The following XYLT1 variants were observed in gnomAD, a reference collection of about 807,000 sequenced individuals.
XYLT1 encodes beta-D-xylosyltransferase 1.
In XYLT1, 36 loss-of-function variants were observed where a neutral mutation model predicts 91.3. The observed-to-expected ratio is 0.39, with a 90% CI of 0.30 to 0.52. The LOEUF is 0.52. Among genes scored for constraint, XYLT1 ranks in the 20% least tolerant of loss-of-function variants. XYLT1 has a pLI of 0.68. For synonymous variants in XYLT1, 588 were observed against 532.0 expected, an observed-to-expected ratio of 1.11 and a Z score of -1.45; for missense variants, 1,242 against 1,284.5, an observed-to-expected ratio of 0.97 and a Z score of 0.51.
intron 1 of XYLT1, among the ~76,000 whole-genome samples, chr16:17,380,912 A>C (rs1380814388): frequency 6.6e-6 from 1 of 152,240 alleles, no homozygotes; most frequent in Non-Finnish European, 1.5e-5. Context: ...CAAAAGGACA[A>C]ATACTGTGTG....
intron 1 of XYLT1, among the ~76,000 whole-genome samples, chr16:17,441,974 G>T (rs189852456): frequency 1.7e-4 from 26 of 152,306 alleles, no homozygotes; most frequent in Admixed American, 1.6e-3. Context: ...TTCTTCTGGG[G>T]TGTCTTTGAG....
At chr16:17,443,463 T>A (rs939977895) in intron 1 of XYLT1, among the ~76,000 whole-genome samples, 7 of 152,084 alleles carry the variant, frequency 4.6e-5, no homozygotes, top group African/African-American at 1.7e-4. Flanking sequence ...ACTGACAGTT[T>A]CCCCTGCATT....
intron 2 of XYLT1, among the ~76,000 whole-genome samples, chr16:17,353,949 A>G (rs561566020): frequency 9.8e-4 from 150 of 152,318 alleles, no homozygotes; most frequent in Admixed American, 5.1e-3. Flanking sequence ...TCTGACCCTT[A>G]GGTACCTCAT....
At chr16:17,272,948 C>T (rs1482200143) in intron 2 of XYLT1, among the ~76,000 whole-genome samples, 2 of 152,146 alleles carry the variant, frequency 1.3e-5, no homozygotes, top group Non-Finnish European at 2.9e-5. Flanking sequence ...GTGGCATTTC[C>T]AGTTATCACA....
In XYLT1 at chr16:17,102,053, T is replaced by C. The variant is rs1352799544; in HGVS notation, c.*6642A>G. The C allele has an allele frequency of 2.0e-5, 3 of 152,200 alleles. No homozygotes were observed. The allele number at this position is 152,200 out of a possible 1,614,324, so 9.4% of individuals were successfully genotyped here. ...TTCTGCCTCAACCAGGAGGTACTTA[T>C]AGGAGGTTGTTGCTATAATCCAGTT... On this transcript the variant is annotated 3_prime_UTR_variant, in exon 12 of 12. Transcript: ENST00000261381.
intron 6 of XYLT1, among the ~76,000 whole-genome samples, chr16:17,143,900 ATCACCATCATCG>A (rs1199519921): frequency 6.7e-6 from 1 of 150,038 alleles, no homozygotes; most frequent in Admixed American, 6.6e-5. Flanking sequence ...CATCGTCATC[ATCACCATCATCG>A]TCACCAATTT....
intron 2 of XYLT1, among the ~76,000 whole-genome samples, chr16:17,349,470 G>C (rs370417902): frequency 6.6e-6 from 1 of 151,888 alleles, no homozygotes; most frequent in Admixed American, 6.6e-5. Context: ...CCTACTGACC[G>C]TACAACTTTT....
At chr16:17,381,705 G>A (rs2035682654) in intron 1 of XYLT1, among the ~76,000 whole-genome samples, 1 of 152,122 alleles carries the variant, frequency 6.6e-6, no homozygotes, top group African/African-American at 2.4e-5. Flanking sequence ...GGGAATACAG[G>A]TGTGAGCCAC....
At chr16:17,297,235 T>C (rs527611645) in intron 2 of XYLT1, among the ~76,000 whole-genome samples, 1 of 152,262 alleles carries the variant, frequency 6.6e-6, no homozygotes, top group East Asian at 1.9e-4. Flanking sequence ...CACAGAGCAC[T>C]TTGAACTTCT....
rs867613431 is a variant in XYLT1 at position 17,451,336 on chromosome 16, C to A, written c.363+19098G>T. ...AATGACCACATTGTTTACCTCCTCT[C>A]CCCGCAATCCATGCCGGACTATCTT... On this transcript the variant is annotated intron_variant, in intron 1 of 11. Coordinates refer to ENST00000261381, the MANE Select transcript of XYLT1 (RefSeq NM_022166.4). 5.3e-5 allele frequency among the ~76,000 whole-genome samples: 8 copies of A among 152,272 alleles called. No individual in the cohort carries two copies. In the Middle Eastern group the frequency reaches 0.014, roughly 259 times the overall value.
intron 1 of XYLT1, among the ~76,000 whole-genome samples, chr16:17,451,824 C>T (rs2036669204): frequency 6.6e-6 from 1 of 152,168 alleles, no homozygotes; most frequent in South Asian, 2.1e-4. Flanking sequence ...CTTTACAAGA[C>T]ACAGTAAGGC....
chr16:17,256,104 G>A (rs2033626123), intron 3 of XYLT1, among the ~76,000 whole-genome samples: 2 of 152,162 alleles, frequency 1.3e-5, no homozygotes, highest in African/African-American at 2.4e-5. Context: ...ACTTGTTAAA[G>A]TTGTCCCTGC....
At chr16:17,239,104 CCT>C (rs1020004459) in intron 3 of XYLT1, among the ~76,000 whole-genome samples, 1 of 152,218 alleles carries the variant, frequency 6.6e-6, no homozygotes, top group Non-Finnish European at 1.5e-5. Flanking sequence ...TCCAACTTTT[CCT>C]CTTTCTTAAT....
chr16:17,282,436 G>A (rs139261596), intron 2 of XYLT1, among the ~76,000 whole-genome samples: 13 of 152,338 alleles, frequency 8.5e-5, no homozygotes, highest in Admixed American at 2.6e-4. Context: ...AATTATTTCC[G>A]ACAGGTGACC....
chr16:17,199,852 A>C (rs2032499812), intron 4 of XYLT1, among the ~76,000 whole-genome samples: 1 of 152,072 alleles, frequency 6.6e-6, no homozygotes, highest in East Asian at 1.9e-4. Context: ...ATGAAAATGG[A>C]CTAATAAAGG....
At chr16:17,177,006 C>A (rs1035659284) in intron 5 of XYLT1, among the ~76,000 whole-genome samples, 3 of 152,156 alleles carry the variant, frequency 2.0e-5, no homozygotes, top group Non-Finnish European at 4.4e-5. Context: ...GTCTGGCCCC[C>A]ACCTGCCTCT....
At chr16:17,214,366 T>C (rs1172058490) in intron 3 of XYLT1, among the ~76,000 whole-genome samples, 1 of 152,128 alleles carries the variant, frequency 6.6e-6, no homozygotes, top group Non-Finnish European at 1.5e-5. Context: ...ATCAGTAAAA[T>C]AGGGATACAT....
Position 17,307,102 on chromosome 16 carries a change from G to A in XYLT1, c.403-47604C>T, listed in dbSNP as rs531746148. Among the ~76,000 whole-genome samples the A allele has an allele frequency of 1.4e-3, 213 of 152,196 alleles. 3 individuals carry two copies. The highest frequency in any genetic ancestry group is 4.6e-3 in the African/African-American group (193 of 41,514). On this transcript the variant is annotated intron_variant, in intron 2 of 11. Transcript: ENST00000261381. ...TTGTTGTTGTTGTTGTTGTTGAGAC[G>A]GAGTCTCACTCTACTGCCCAGGCTA...
rs11430162 is a variant in XYLT1, at chr16:17,320,482, C to CTTT, written c.402+37527_402+37529dup. Among the ~76,000 whole-genome samples the CTTT allele has an allele frequency of 7.7e-4, 103 of 134,432 alleles. 1 individual carries two copies. Among genetic ancestry groups the CTTT allele is most frequent in the Middle Eastern group, 4.0e-3 (1 of 248 alleles). The allele number at this position is 134,432 out of a possible 152,430, so 88.2% of individuals were successfully genotyped here. ...TAGCTGTGTGACCTTGGAAAAGTTT[C>CTTT]TTTTTTTTTTTTTTTTGAGACTGAG... On this transcript the variant is annotated intron_variant, in intron 2 of 11. Coordinates refer to ENST00000261381, the MANE Select transcript of XYLT1 (RefSeq NM_022166.4).
Sources: gnomAD v4.1 joint callset for allele counts (sites outside exome capture counted in the v4.1 genomes callset) on GRCh38, gnomAD v4.1.1 for gene constraint, MANE v1.5 for transcripts, NCBI Gene and HGNC (gene_info 2026-07-23, HGNC 2026-07-21) for gene names.